The following CTNNA2 variants were observed in gnomAD, a reference collection of about 807,000 sequenced individuals.
CTNNA2 encodes catenin alpha 2.
A neutral mutation model predicts 101.0 loss-of-function variants in CTNNA2; 42 were observed. That is an observed-to-expected ratio of 0.42 (90% confidence interval 0.32 to 0.54). CTNNA2 has a LOEUF of 0.54. Ranked by LOEUF, CTNNA2 falls within the 20% of genes least tolerant of loss-of-function variation. The pLI is 0.14. For synonymous variants in CTNNA2, 450 were observed against 456.4 expected, an observed-to-expected ratio of 0.99 and a Z score of 0.18; for missense variants, 871 against 1,223.1, an observed-to-expected ratio of 0.71 and a Z score of 4.29.
At chr2:80,065,770 A>G (rs1453832123) in intron 7 of CTNNA2, among the ~76,000 whole-genome samples, 1 of 152,194 alleles carries the variant, frequency 6.6e-6, no homozygotes, top group Non-Finnish European at 1.5e-5. Flanking sequence ...CTCACAAAGC[A>G]TCAGCTATCA....
At chr2:79,963,824 C>G (rs1407519572) in intron 7 of CTNNA2, among the ~76,000 whole-genome samples, 1 of 152,202 alleles carries the variant, frequency 6.6e-6, no homozygotes, top group Non-Finnish European at 1.5e-5. Flanking sequence ...AAAGCACAGC[C>G]AAACCCCTGC....
chr2:80,637,314 T>G, intron 18 of CTNNA2, among the ~76,000 whole-genome samples: 1 of 152,180 alleles, frequency 6.6e-6, no homozygotes, highest in East Asian at 1.9e-4. Flanking sequence ...CATTTTTAAT[T>G]TTAAAGAACT....
intron 3 of CTNNA2, among the ~76,000 whole-genome samples, chr2:79,837,903 T>C (rs886840217): frequency 2.0e-5 from 3 of 152,154 alleles, no homozygotes; most frequent in Non-Finnish European, 4.4e-5. Flanking sequence ...GCTTATTTTA[T>C]TTTTAGAAAA....
intron 4 of CTNNA2, among the ~76,000 whole-genome samples, chr2:79,482,595 A>G (rs1671120848): frequency 6.6e-6 from 1 of 152,138 alleles, no homozygotes; most frequent in African/African-American, 2.4e-5. Context: ...CAAAAATGAG[A>G]GCATCATATT....
intron 7 of CTNNA2, among the ~76,000 whole-genome samples, chr2:80,251,870 C>T (rs529182423): frequency 6.6e-6 from 1 of 152,304 alleles, no homozygotes; most frequent in Admixed American, 6.5e-5. Context: ...AGAAAATTGC[C>T]TTCACATTTT....
chr2:80,606,892 T>C (rs1285620883), intron 16 of CTNNA2, among the ~76,000 whole-genome samples: 2 of 151,888 alleles, frequency 1.3e-5, no homozygotes, highest in African/African-American at 2.4e-5. Context: ...TGGGGAGATA[T>C]CATTTTAAAG....
At chr2:80,289,336 T>G (rs1675039087) in intron 7 of CTNNA2, 1 of 152,108 alleles carries the variant, frequency 6.6e-6, no homozygotes, top group African/African-American at 2.4e-5. Flanking sequence ...ACAGAGAGGG[T>G]GCTATTCTTC....
At chr2:80,642,184 T>C (rs1474485856) in intron 18 of CTNNA2, among the ~76,000 whole-genome samples, 1 of 152,156 alleles carries the variant, frequency 6.6e-6, no homozygotes, top group African/African-American at 2.4e-5. Context: ...ATTTGAGAAT[T>C]GTCCTTCCTC....
chr2:79,411,023 T>A (rs893972677), intron 4 of CTNNA2, among the ~76,000 whole-genome samples: 2 of 152,206 alleles, frequency 1.3e-5, no homozygotes, highest in African/African-American at 4.8e-5. Flanking sequence ...CCTGGTTTTG[T>A]CTTGGGAGAG....
chr2:80,266,172 T>G (rs1244306901), intron 7 of CTNNA2, among the ~76,000 whole-genome samples: 1 of 152,164 alleles, frequency 6.6e-6, no homozygotes, highest in Non-Finnish European at 1.5e-5. Flanking sequence ...ACCTTAAGAG[T>G]AGAGTCTGTC....
rs200838974 is a variant in CTNNA2, at chr2:80,192,111, A to G, written c.1057-201100A>G. Among the ~76,000 whole-genome samples, 14 of 152,354 alleles carry G rather than the reference A, an allele frequency of 9.2e-5. No individual in the cohort carries two copies. The East Asian group carries it at 1.7e-3, about 19-fold the overall frequency. On this transcript the variant is annotated intron_variant, in intron 7 of 18. Transcript: ENST00000402739. ...AAGAGTTTGAGGTCTGCAGTGGTGAATATTCATGGAATCACAGAATTGCAG... is the reference window on the plus strand; with the variant it reads ...AAGAGTTTGAGGTCTGCAGTGGTGAGTATTCATGGAATCACAGAATTGCAG...
chr2:79,657,226 G>A (rs995885720), intron 2 of CTNNA2, among the ~76,000 whole-genome samples: 2 of 151,642 alleles, frequency 1.3e-5, no homozygotes, highest in African/African-American at 4.8e-5. Context: ...TATAAAGAAA[G>A]AATATATAAA....
At chr2:79,522,672 C>A (rs1672182492) in intron 1 of CTNNA2, among the ~76,000 whole-genome samples, 1 of 152,126 alleles carries the variant, frequency 6.6e-6, no homozygotes, top group Admixed American at 6.5e-5. Flanking sequence ...GAGATGAGAT[C>A]AATGAGCACA....
At chr2:80,116,716 T>C (rs932075055) in intron 7 of CTNNA2, among the ~76,000 whole-genome samples, 6 of 152,132 alleles carry the variant, frequency 3.9e-5, no homozygotes, top group African/African-American at 1.4e-4. Context: ...AGATAACAGC[T>C]ACTGGAAGAA....
At chr2:79,589,705 G>A (rs530409100) in intron 1 of CTNNA2, among the ~76,000 whole-genome samples, 1 of 93,922 alleles carries the variant, frequency 1.1e-5, no homozygotes, top group South Asian at 4.5e-4. Context: ...GCATTTTCCA[G>A]ATCTTTTTTT....
chr2:79,546,571 A>G (rs1195650592), intron 1 of CTNNA2, among the ~76,000 whole-genome samples: 4 of 152,144 alleles, frequency 2.6e-5, no homozygotes, highest in African/African-American at 9.7e-5. Flanking sequence ...TCCAATATGC[A>G]AATATATTAA....
intron 3 of CTNNA2, among the ~76,000 whole-genome samples, chr2:79,822,393 A>G (rs1678083261): frequency 6.6e-6 from 1 of 152,200 alleles, no homozygotes; most frequent in South Asian, 2.1e-4. Flanking sequence ...CTAAGAAAGT[A>G]CTTTATTTCT....
intron 7 of CTNNA2, among the ~76,000 whole-genome samples, chr2:79,997,162 C>T (rs1161345086): frequency 2.6e-5 from 4 of 152,118 alleles, no homozygotes; most frequent in Admixed American, 2.6e-4. Context: ...TGCTAACACC[C>T]TGGTCTAAGA....
At chr2:79,527,474 CAAAAA>C (rs58822666) in intron 1 of CTNNA2, among the ~76,000 whole-genome samples, 33 of 85,200 alleles carry the variant, frequency 3.9e-4, no homozygotes, top group African/African-American at 1.2e-3. Context: ...ACTAAAAATA[CAAAAA>C]AAAAAAAAAA....
Sources: gnomAD v4.1 joint callset for allele counts (sites outside exome capture counted in the v4.1 genomes callset) on GRCh38, gnomAD v4.1.1 for gene constraint, MANE v1.5 for transcripts, NCBI Gene and HGNC (gene_info 2026-07-23, HGNC 2026-07-21) for gene names.